The following COL19A1 variants were observed in gnomAD, a reference collection of about 807,000 sequenced individuals.
COL19A1 encodes the protein collagen type XIX alpha 1 chain, also known as collagen alpha-1(XIX) chain.
In COL19A1, 159 loss-of-function variants were observed where a neutral mutation model predicts 190.2. The ratio of observed to expected loss-of-function variants is 0.84; its 90% CI spans 0.73 to 0.95. COL19A1 has a LOEUF of 0.95. COL19A1 is among the 40% of genes least tolerant of loss of function. The pLI is 0.00. For missense variants in COL19A1, 1,418 were observed against 1,431.9 expected (o/e 0.99, Z 0.16); for synonymous variants, 509 against 458.9 (o/e 1.11, Z -1.39).
intron 11 of COL19A1, among the ~76,000 whole-genome samples, chr6:70,007,414 A>C (rs1777700619): frequency 6.6e-6 from 1 of 152,090 alleles, no homozygotes; most frequent in African/African-American, 2.4e-5. Context: ...GAGTAACCAC[A>C]AGAAATATGG....
intron 16 of COL19A1, 132 bp downstream of exon 16, chr6:70,102,354 C>T: frequency 1.4e-6 from 1 of 697,698 alleles, no homozygotes; most frequent in Non-Finnish European, 2.6e-6. Context: ...CTGGTTTCAG[C>T]ATTTGGATGA....
chr6:69,939,024 A>G (rs770918470), intron 9 of COL19A1, among the ~76,000 whole-genome samples: 6 of 152,148 alleles, frequency 3.9e-5, no homozygotes, highest in Non-Finnish European at 7.3e-5. Context: ...CAGGAGACGG[A>G]AGTCTGAGAA....
At chr6:69,946,810 A>C (rs1187587293) in intron 9 of COL19A1, among the ~76,000 whole-genome samples, 1 of 151,878 alleles carries the variant, frequency 6.6e-6, no homozygotes, top group African/African-American at 2.4e-5. Context: ...TTATTTTATA[A>C]AGCTGTATCA....
chr6:70,144,659 T>C (rs9454989), intron 24 of COL19A1, among the ~76,000 whole-genome samples: 17 of 152,316 alleles, frequency 1.1e-4, no homozygotes, highest in African/African-American at 3.6e-4. Flanking sequence ...TTAATAGATA[T>C]GCCCTTTTGT....
chr6:70,020,578 A>G (rs1332021236), intron 11 of COL19A1, among the ~76,000 whole-genome samples: 4 of 152,148 alleles, frequency 2.6e-5, no homozygotes, highest in Non-Finnish European at 5.9e-5. Context: ...AGGATTTTAT[A>G]TCATAAATCT....
rs1056779473 is a variant in COL19A1 at position 70,145,921 on chromosome 6, A to G, written c.1771-738A>G. Among the ~76,000 whole-genome samples the G allele has an allele frequency of 3.3e-5, 5 of 151,928 alleles. No individual in the cohort carries two copies. The South Asian group carries it at 6.2e-4, about 19-fold the overall frequency. On this transcript the variant is annotated intron_variant, in intron 25 of 50. Coordinates refer to ENST00000620364, the MANE Select transcript of COL19A1 (RefSeq NM_001858.6). ...TTTTTTGTATAGATGGGGTTTCACC[A>G]TGTTGTCCATGCTGGTCTTGAACTC...
intron 10 of COL19A1, among the ~76,000 whole-genome samples, chr6:69,961,261 G>T (rs1212483317): frequency 6.6e-6 from 1 of 152,156 alleles, no homozygotes; most frequent in African/African-American, 2.4e-5. Flanking sequence ...TATAGTTACA[G>T]ATTGTGTTAA....
At chr6:70,004,585 T>C (rs1777495386) in intron 11 of COL19A1, among the ~76,000 whole-genome samples, 1 of 152,184 alleles carries the variant, frequency 6.6e-6, no homozygotes, top group Non-Finnish European at 1.5e-5. Context: ...TCATTCTTTT[T>C]CTCTAATCTT....
intron 38 of COL19A1, 47 bp from the exon 39 acceptor site, chr6:70,168,124 T>C (rs1236088883): frequency 1.2e-5 from 19 of 1,605,266 alleles, no homozygotes; most frequent in Non-Finnish European, 1.6e-5. Context: ...CTGCTGTAAA[T>C]TCGTCTCATC....
At chr6:70,027,557 CTG>C (rs10585617) in intron 12 of COL19A1, among the ~76,000 whole-genome samples, 93,669 of 150,178 alleles carry the variant, frequency 0.62, 29,756 homozygotes, top group African/African-American at 0.76. Context: ...TGTATCTTAA[CTG>C]TGTGTGTGTG....
chr6:70,025,048 G>A (rs1311181704), intron 12 of COL19A1, among the ~76,000 whole-genome samples: 4 of 148,702 alleles, frequency 2.7e-5, no homozygotes, highest in South Asian at 4.3e-4. Context: ...TTTTTGAGAC[G>A]GAGTCTTGCT....
At chr6:69,955,522 A>AGT (rs60501043) in intron 9 of COL19A1, among the ~76,000 whole-genome samples, 20,163 of 138,750 alleles carry the variant, frequency 0.15, 1,694 homozygotes, top group East Asian at 0.29. Flanking sequence ...GCCACAGCAA[A>AGT]GTGTGTGTGT....
Position 70,184,904 on chromosome 6 carries a change from A to C in COL19A1, c.2845A>C (p.Lys949Gln), listed in dbSNP as rs1766411393. 1 of 1,612,902 alleles carries C rather than the reference A, an allele frequency of 6.2e-7. No homozygotes were observed. The highest frequency in any genetic ancestry group is 8.5e-7 in the Non-Finnish European group (1 of 1,179,540). The change falls in exon 46 of 51, where the codon AAA becomes CAA. Residue 949 changes from lysine (K) to glutamine (Q), a missense_variant. Physicochemically the swap from Lys to Gln is moderately conservative, Grantham distance 53. Transcript: ENST00000620364. ...IMGKPGDRGP[K>Q]GERGDQGIPG... ...GGGTAAGCCTGGAGACAGAGGCCCCAAAGGAGAACGTGTATGTATATTACT... is the reference window on the plus strand; with the variant it reads ...GGGTAAGCCTGGAGACAGAGGCCCCCAAGGAGAACGTGTATGTATATTACT...
intron 15 of COL19A1, among the ~76,000 whole-genome samples, chr6:70,094,409 A>G (rs1219483410): frequency 1.3e-5 from 2 of 152,192 alleles, no homozygotes; most frequent in Non-Finnish European, 2.9e-5. Flanking sequence ...CAAAATACAC[A>G]TATGGAAACA....
chr6:69,911,076 C>T (rs56978419), intron 4 of COL19A1, among the ~76,000 whole-genome samples: 24,810 of 152,096 alleles, frequency 0.16, 2,569 homozygotes, highest in African/African-American at 0.28. Context: ...GCTGATTGGA[C>T]TCTGTGTATC....
At chr6:70,148,159 A>G (rs1040845104) in intron 27 of COL19A1, among the ~76,000 whole-genome samples, 10 of 151,960 alleles carry the variant, frequency 6.6e-5, no homozygotes, top group Non-Finnish European at 1.3e-4. Context: ...CAAGATTGAT[A>G]ATTAACTATA....
At chr6:69,991,263 A>G (rs572132669) in intron 11 of COL19A1, among the ~76,000 whole-genome samples, 1 of 152,198 alleles carries the variant, frequency 6.6e-6, no homozygotes, top group South Asian at 2.1e-4. Context: ...CATGGTGTGT[A>G]TGTAGCTCAT....
chr6:70,128,933 G>T (rs886085262), intron 17 of COL19A1, among the ~76,000 whole-genome samples: 1 of 152,206 alleles, frequency 6.6e-6, no homozygotes, highest in East Asian at 1.9e-4. Context: ...TCTTCTCCAT[G>T]ATTACATTTT....
At chr6:70,050,576 A>G (rs894079374) in intron 14 of COL19A1, among the ~76,000 whole-genome samples, 4 of 152,092 alleles carry the variant, frequency 2.6e-5, no homozygotes, top group South Asian at 2.1e-4. Flanking sequence ...CTGACAAACA[A>G]ATTATTAAAG....
Sources: allele counts gnomAD v4.1 joint callset (sites outside exome capture counted in the v4.1 genomes callset), GRCh38; gene constraint gnomAD v4.1.1; transcripts MANE v1.5; gene names NCBI Gene and HGNC (gene_info 2026-07-23, HGNC 2026-07-21).